The following CNTN4 variants were observed in gnomAD, a reference collection of about 807,000 sequenced individuals.
CNTN4 encodes contactin-4.
A neutral mutation model predicts 122.5 loss-of-function variants in CNTN4; 77 were observed. The observed-to-expected ratio is 0.63, with a 90% CI of 0.52 to 0.76. The LOEUF (loss-of-function observed/expected upper bound fraction) is 0.76, where lower values mean the gene tolerates loss of function less well. CNTN4 is among the 30% of genes least tolerant of loss of function. The probability of loss-of-function intolerance (pLI) is 0.00; values close to 1 mark genes in which losing one functional copy is unlikely to be tolerated. For synonymous variants in CNTN4, 512 were observed against 447.0 expected, an observed-to-expected ratio of 1.15 and a Z score of -1.83; for missense variants, 1,256 against 1,259.1, an observed-to-expected ratio of 1.00 and a Z score of 0.04.
At chr3:2,105,117 G>C (rs965247436) in intron 2 of CNTN4, among the ~76,000 whole-genome samples, 3 of 152,136 alleles carry the variant, frequency 2.0e-5, no homozygotes, top group Non-Finnish European at 2.9e-5. Flanking sequence ...CTCTAGTTGG[G>C]CTCCATGTAT....
At chr3:2,872,226 T>C (rs764108694) in intron 8 of CNTN4, among the ~76,000 whole-genome samples, 14 of 152,322 alleles carry the variant, frequency 9.2e-5, no homozygotes, top group Non-Finnish European at 1.6e-4. Context: ...GATAATCATA[T>C]TGGCTCTTCT....
chr3:2,533,124 G>A (rs1421618986), intron 3 of CNTN4, among the ~76,000 whole-genome samples: 1 of 150,048 alleles, frequency 6.7e-6, no homozygotes, highest in Non-Finnish European at 1.5e-5. Flanking sequence ...AAGACAGATT[G>A]ATTCTTCTTT....
At chr3:2,807,431 A>G (rs1157427754) in intron 6 of CNTN4, among the ~76,000 whole-genome samples, 1 of 152,204 alleles carries the variant, frequency 6.6e-6, no homozygotes, top group Non-Finnish European at 1.5e-5. Context: ...AATTCAACAT[A>G]AATAACAGCT....
chr3:2,476,730 GATT>G (rs1394851108), intron 3 of CNTN4, among the ~76,000 whole-genome samples: 4 of 152,080 alleles, frequency 2.6e-5, no homozygotes, highest in African/African-American at 9.7e-5. Flanking sequence ...ATTGGATTGT[GATT>G]ATGATTGTGC....
chr3:2,137,049 C>A (rs1201338252), intron 2 of CNTN4, among the ~76,000 whole-genome samples: 1 of 152,086 alleles, frequency 6.6e-6, no homozygotes, highest in Non-Finnish European at 1.5e-5. Flanking sequence ...AATATTTTCC[C>A]AGTATCTAAA....
intron 2 of CNTN4, among the ~76,000 whole-genome samples, chr3:2,175,939 C>T (rs1322127493): frequency 6.6e-6 from 1 of 152,176 alleles, no homozygotes; most frequent in Non-Finnish European, 1.5e-5. Flanking sequence ...TCTTTACCAA[C>T]CCCTTCATCT....
At chr3:2,235,749 G>A (rs528784441) in intron 2 of CNTN4, among the ~76,000 whole-genome samples, 1 of 151,988 alleles carries the variant, frequency 6.6e-6, no homozygotes, top group African/African-American at 2.4e-5. Context: ...TTATTCTTGG[G>A]CTAATTCATT....
At chr3:2,424,430 A>G (rs190321331) in intron 3 of CNTN4, among the ~76,000 whole-genome samples, 5 of 152,094 alleles carry the variant, frequency 3.3e-5, no homozygotes, top group African/African-American at 1.2e-4. Context: ...ATTCCATGGT[A>G]TATATGTGCC....
In CNTN4 at chr3:2,133,010, CAAAG is replaced by C. The variant is rs963996068; in HGVS notation, c.-145+32375_-145+32378del. ...TTTACAGAAAAACAAGACAATGAAA[CAAAG>C]AAATAAGAAATAAGTAGGAGGCATG... On this transcript the variant is annotated intron_variant, in intron 2 of 24. Coordinates refer to ENST00000418658, the MANE Select transcript of CNTN4 (RefSeq NM_175607.3). Among the ~76,000 whole-genome samples, 756 of 151,936 alleles carry C rather than the reference CAAAG, an allele frequency of 5.0e-3. 8 individuals are homozygous for C. The highest frequency in any genetic ancestry group is 0.018 in the African/African-American group (726 of 41,424).
chr3:2,319,880 G>C (rs2043224482), intron 2 of CNTN4, among the ~76,000 whole-genome samples: 1 of 152,120 alleles, frequency 6.6e-6, no homozygotes. Context: ...ACTTTTTCAA[G>C]TCCCTCATTT....
At chr3:2,716,778 C>A (rs58921315) in intron 4 of CNTN4, among the ~76,000 whole-genome samples, 109 of 152,314 alleles carry the variant, frequency 7.2e-4, no homozygotes, top group African/African-American at 2.6e-3. Flanking sequence ...GTAGCCCTTT[C>A]CAACACCTTC....
rs557756823 is a variant in CNTN4, at chr3:2,680,495, C to T, written c.56-55720C>T. The stretch of plus-strand genomic sequence containing the variant: ...ACTGCAAATGGGTAGACACTTTTGG[C>T]AAAACACGTTAGAAGACTCACTATT... On this transcript the variant is annotated intron_variant, in intron 4 of 24. Coordinates refer to ENST00000418658, the MANE Select transcript of CNTN4 (RefSeq NM_175607.3). Among the ~76,000 whole-genome samples the T allele has an allele frequency of 1.4e-4, 21 of 152,162 alleles. No homozygotes were observed. In the South Asian group the frequency reaches 4.4e-3, roughly 32 times the overall value.
intron 3 of CNTN4, among the ~76,000 whole-genome samples, chr3:2,419,433 C>T (rs138432464): frequency 1.1e-3 from 166 of 152,186 alleles, no homozygotes; most frequent in African/African-American, 3.7e-3. Context: ...ATATATTCAA[C>T]GTTTATTTGT....
At chr3:2,645,268 A>G (rs1198793497) in intron 4 of CNTN4, among the ~76,000 whole-genome samples, 2 of 152,170 alleles carry the variant, frequency 1.3e-5, no homozygotes, top group Admixed American at 6.5e-5. Flanking sequence ...AAACCTGATA[A>G]TACCTTATTG....
intron 2 of CNTN4, among the ~76,000 whole-genome samples, chr3:2,130,480 C>A (rs1004211391): frequency 1.3e-5 from 2 of 152,114 alleles, no homozygotes; most frequent in Non-Finnish European, 2.9e-5. Context: ...TTCTTAAACA[C>A]CCTCTAAATT....
chr3:3,043,913 T>A (rs1306219318), intron 23 of CNTN4, among the ~76,000 whole-genome samples: 1 of 152,198 alleles, frequency 6.6e-6, no homozygotes, highest in African/African-American at 2.4e-5. Context: ...TTAACTTTAG[T>A]CTCAGGCAGC....
At chr3:2,183,311 A>G (rs2037101489) in intron 2 of CNTN4, among the ~76,000 whole-genome samples, 1 of 152,160 alleles carries the variant, frequency 6.6e-6, no homozygotes, top group African/African-American at 2.4e-5. Flanking sequence ...GCAAGGCACA[A>G]TTTATCATGT....
intron 2 of CNTN4, among the ~76,000 whole-genome samples, chr3:2,216,282 A>G (rs1261963480): frequency 6.6e-6 from 1 of 152,218 alleles, no homozygotes; most frequent in African/African-American, 2.4e-5. Flanking sequence ...AATGAACACT[A>G]GAACAGAAAA....
intron 19 of CNTN4, 80 bp downstream of exon 19, chr3:3,039,083 G>C (rs1181020125): frequency 3.2e-6 from 4 of 1,247,420 alleles, no homozygotes; most frequent in Non-Finnish European, 4.7e-6. Context: ...ACATAGCTGG[G>C]AAGTTTCCTC....
Sources: allele counts gnomAD v4.1 joint callset (sites outside exome capture counted in the v4.1 genomes callset), GRCh38; gene constraint gnomAD v4.1.1; transcripts MANE v1.5; gene names NCBI Gene and HGNC (gene_info 2026-07-23, HGNC 2026-07-21).